Variants in NAA35 observed in about 807,000 individuals in gnomAD.
NAA35 encodes N-alpha-acetyltransferase 35, NatC auxiliary subunit.
Under a neutral mutation model 101.7 loss-of-function variants are expected in NAA35, and 18 were observed. That is an observed-to-expected ratio of 0.18 (90% CI 0.12 to 0.26). The LOEUF is 0.26. Among genes scored for constraint, NAA35 ranks in the 10% least tolerant of loss-of-function variants. NAA35 has a pLI of 1.00. For missense variants in NAA35, 601 were observed against 886.8 expected, an observed-to-expected ratio of 0.68 and a Z score of 4.09; for synonymous variants, 267 against 273.1, an observed-to-expected ratio of 0.98 and a Z score of 0.22.
At chr9:85,991,837 A>G (rs749535782) in intron 11 of NAA35, among the ~76,000 whole-genome samples, 7 of 152,134 alleles carry the variant, frequency 4.6e-5, no homozygotes, top group Non-Finnish European at 8.8e-5. Flanking sequence ...GGGGGTGATC[A>G]TGGATTGTCT....
At chr9:85,967,188 C>T (rs887074950) in intron 6 of NAA35, among the ~76,000 whole-genome samples, 1 of 151,930 alleles carries the variant, frequency 6.6e-6, no homozygotes, top group Non-Finnish European at 1.5e-5. Context: ...TACTTTATGC[C>T]ACATAGGGTT....
In NAA35 at chr9:86,013,141, T is replaced by C; in HGVS notation, c.1386T>C (p.Asp462=). The C allele has an allele frequency of 6.3e-7, 1 of 1,589,250 alleles. No homozygotes were observed. The highest frequency in any genetic ancestry group is 1.1e-5 in the South Asian group (1 of 87,796). Reference sequence around the variant, plus strand: ...TTGAGGAATTTGCCACCTTGCAGGATGAGGTAAGAGCCAGGTTCCCCTCTC... The same window carrying C: ...TTGAGGAATTTGCCACCTTGCAGGACGAGGTAAGAGCCAGGTTCCCCTCTC... ...HILEEFATLQ[D]EAEKVDAALH... The change falls in exon 16 of 23, where the codon GAT becomes GAC. Residue 462 remains aspartate, a synonymous_variant. Transcript: ENST00000361671.
chr9:85,977,690 T>C (rs1253440129), intron 10 of NAA35, among the ~76,000 whole-genome samples: 2 of 152,214 alleles, frequency 1.3e-5, no homozygotes, highest in Non-Finnish European at 2.9e-5. Context: ...TAGGTTGTTA[T>C]ATTTTGTGAA....
At chr9:85,943,280 T>C (rs992836716) in intron 2 of NAA35, among the ~76,000 whole-genome samples, 16 of 151,810 alleles carry the variant, frequency 1.1e-4, no homozygotes, top group Non-Finnish European at 5.9e-5. Context: ...AGTAGAGAAA[T>C]TGGGGAAAAG....
chr9:85,967,978 T>C (rs1275135414), intron 6 of NAA35, among the ~76,000 whole-genome samples: 2 of 152,150 alleles, frequency 1.3e-5, no homozygotes, highest in Admixed American at 6.5e-5. Context: ...ACTACTTTTC[T>C]TTTGGCATTC....
intron 21 of NAA35, among the ~76,000 whole-genome samples, chr9:86,019,295 C>T (rs2118507904): frequency 1.3e-5 from 2 of 151,958 alleles, no homozygotes; most frequent in South Asian, 4.2e-4. Context: ...CCCATTTGTA[C>T]TAACAATACA....
intron 1 of NAA35, 75 bp from the exon 2 acceptor site, chr9:85,942,080 A>G (rs1439957154): frequency 1.3e-6 from 2 of 1,559,044 alleles, no homozygotes; most frequent in Non-Finnish European, 1.7e-6. Flanking sequence ...CTATGCTGAA[A>G]CAAACACCCA....
chr9:85,960,606 A>C (rs1829473283), intron 5 of NAA35, among the ~76,000 whole-genome samples: 1 of 152,166 alleles, frequency 6.6e-6, no homozygotes, highest in Non-Finnish European at 1.5e-5. Context: ...CCAGAATCTT[A>C]ATCCTGATCC....
At chr9:85,946,227 G>T (rs1382100359) in intron 2 of NAA35, among the ~76,000 whole-genome samples, 1 of 151,948 alleles carries the variant, frequency 6.6e-6, no homozygotes, top group Non-Finnish European at 1.5e-5. Context: ...CTACAGCCTT[G>T]ACTATAGGAT....
At chr9:86,003,157 C>G (rs912828337) in intron 12 of NAA35, among the ~76,000 whole-genome samples, 2 of 152,112 alleles carry the variant, frequency 1.3e-5, no homozygotes, top group Non-Finnish European at 2.9e-5. Context: ...GCTTATTGAT[C>G]ACTTGGTAGA....
At chr9:85,964,062 C>T (rs1265991309) in intron 6 of NAA35, among the ~76,000 whole-genome samples, 2 of 150,910 alleles carry the variant, frequency 1.3e-5, no homozygotes, top group African/African-American at 4.9e-5. Context: ...GATGGGAAAA[C>T]AGGCACTCAA....
Position 85,942,154 on chromosome 9 carries a change from G to C in NAA35, c.-5-1G>C. ...CTCTTACATCAGTATTAATTTTACAGGCATAATGGTTATGAAAGCTTCTGT... is the reference window on the plus strand; with the variant it reads ...CTCTTACATCAGTATTAATTTTACACGCATAATGGTTATGAAAGCTTCTGT... On this transcript the variant is annotated splice_acceptor_variant, in intron 1 of 22. Coordinates refer to ENST00000361671, the MANE Select transcript of NAA35 (RefSeq NM_024635.4). LOFTEE classifies it low-confidence loss of function (5UTR_SPLICE). 1 of 1,612,968 alleles carries C rather than the reference G, an allele frequency of 6.2e-7. No homozygotes were observed. Among genetic ancestry groups the C allele is most frequent in the Non-Finnish European group, 8.5e-7 (1 of 1,179,742 alleles).
At chr9:86,000,001 A>G (rs114999200) in intron 12 of NAA35, among the ~76,000 whole-genome samples, 1,974 of 152,208 alleles carry the variant, frequency 0.013, 21 homozygotes, top group Middle Eastern at 0.051. Flanking sequence ...ATTTGAGGGT[A>G]CATGTGAAGG....
intron 11 of NAA35, among the ~76,000 whole-genome samples, chr9:85,996,101 A>G (rs758542150): frequency 3.9e-4 from 60 of 152,058 alleles, no homozygotes; most frequent in Non-Finnish European, 6.6e-4. Flanking sequence ...TACTGACCCT[A>G]TTTTATCCTC....
chr9:86,021,229 AAG>A (rs1832532204), intron 22 of NAA35, among the ~76,000 whole-genome samples: 1 of 152,216 alleles, frequency 6.6e-6, no homozygotes, highest in African/African-American at 2.4e-5. Context: ...GGGGTAAAAA[AAG>A]AAAATTTATG....
At chr9:85,965,454 C>T (rs747592760) in intron 6 of NAA35, among the ~76,000 whole-genome samples, 2 of 152,034 alleles carry the variant, frequency 1.3e-5, no homozygotes, top group Non-Finnish European at 2.9e-5. Context: ...ATATCCAGAC[C>T]CTGTCTCTAC....
At position 85,949,003 on chromosome 9, in the gene NAA35, C is replaced by T. The variant is rs78222927; in HGVS notation, c.124+6720C>T. ...AACTCATGACCTCGGGTGATCCACC[C>T]GCCTCAGCCTCCCAAAGTGCTGGGA... is the stretch of plus-strand genomic sequence containing the variant. On this transcript the variant is annotated intron_variant, in intron 2 of 22. Transcript: ENST00000361671. Among the ~76,000 whole-genome samples, 207 of 152,140 alleles carry T rather than the reference C, an allele frequency of 1.4e-3. 5 individuals are homozygous for T. In the East Asian group the frequency reaches 0.037, roughly 28 times the overall value.
At chr9:85,991,342 G>C (rs867047859) in intron 11 of NAA35, among the ~76,000 whole-genome samples, 10 of 152,050 alleles carry the variant, frequency 6.6e-5, no homozygotes, top group African/African-American at 2.4e-4. Flanking sequence ...GACCAAGCCA[G>C]GTAATGAGGG....
chr9:85,994,234 A>G (rs1041327783), intron 11 of NAA35, among the ~76,000 whole-genome samples: 2 of 152,310 alleles, frequency 1.3e-5, no homozygotes, highest in Non-Finnish European at 2.9e-5. Context: ...TTACATCCAC[A>G]TTGCTGTGCA....
Sources: gnomAD v4.1 joint callset for allele counts (sites outside exome capture counted in the v4.1 genomes callset) on GRCh38, gnomAD v4.1.1 for gene constraint, MANE v1.5 for transcripts, NCBI Gene and HGNC (gene_info 2026-07-23, HGNC 2026-07-21) for gene names.